TNNI3K: variants seen among roughly 807,000 people sequenced by gnomAD.
TNNI3K encodes the protein TNNI3 interacting kinase, also known as serine/threonine-protein kinase TNNI3K.
A neutral mutation model predicts 114.5 loss-of-function variants in TNNI3K; 140 were observed. The ratio of observed to expected loss-of-function variants is 1.22; its 90% CI spans 1.07 to 1.41. The LOEUF is 1.41. Among genes scored for constraint, TNNI3K ranks in the 40% most tolerant of loss-of-function variants. TNNI3K has a pLI of 0.00. For missense variants in TNNI3K, 1,125 were observed against 1,007.6 expected, an observed-to-expected ratio of 1.12 and a Z score of -1.58; for synonymous variants, 347 against 347.5, an observed-to-expected ratio of 1.00 and a Z score of 0.02.
intron 21 of TNNI3K, among the ~76,000 whole-genome samples, chr1:74,488,677 T>A (rs1668889168): frequency 6.6e-6 from 1 of 152,204 alleles, no homozygotes; most frequent in Admixed American, 6.5e-5. Context: ...TTAATGGCAC[T>A]GTCTGAAGGT....
intron 21 of TNNI3K, chr1:74,470,891 T>C: frequency 2.5e-6 from 1 of 400,744 alleles, no homozygotes; most frequent in Non-Finnish European, 4.4e-6. Flanking sequence ...TTTGATACAT[T>C]CTGTCCCATG....
intron 20 of TNNI3K, among the ~76,000 whole-genome samples, chr1:74,459,904 A>G (rs923696014): frequency 6.6e-6 from 1 of 152,198 alleles, no homozygotes; most frequent in Non-Finnish European, 1.5e-5. Flanking sequence ...TTTCAGGATA[A>G]TGAGAGTGCA....
chr1:74,481,606 C>T (rs1668508519), intron 21 of TNNI3K, among the ~76,000 whole-genome samples: 1 of 152,166 alleles, frequency 6.6e-6, no homozygotes, highest in East Asian at 1.9e-4. Flanking sequence ...TCTTGGCCTC[C>T]TGTCTAATAT....
chr1:74,437,548 G>A (rs1371043896), intron 19 of TNNI3K, among the ~76,000 whole-genome samples: 3 of 151,866 alleles, frequency 2.0e-5, no homozygotes, highest in Non-Finnish European at 1.5e-5. Flanking sequence ...AATCTACATG[G>A]GGGGAGAGCT....
chr1:74,464,830 G>A (rs1667600715), intron 21 of TNNI3K: 1 of 1,449,130 alleles, frequency 6.9e-7, no homozygotes, highest in Admixed American at 2.5e-5. Context: ...CTCCATGAAA[G>A]CGGTCCTTTT....
chr1:74,492,805 T>C (rs1669145907), intron 23 of TNNI3K, among the ~76,000 whole-genome samples: 1 of 152,194 alleles, frequency 6.6e-6, no homozygotes, highest in Admixed American at 6.5e-5. Flanking sequence ...TAAAACAGGT[T>C]GTCACAACAA....
chr1:74,486,507 C>CTTTTTGCTT (rs1557599715), intron 21 of TNNI3K, among the ~76,000 whole-genome samples: 3 of 137,098 alleles, frequency 2.2e-5, no homozygotes, highest in African/African-American at 8.1e-5. Context: ...TTGTTTTTTG[C>CTTTTTGCTT]TTTTTTTTTT....
At chr1:74,373,113 G>T (rs1237461776) in intron 17 of TNNI3K, 1 of 151,844 alleles carries the variant, frequency 6.6e-6, no homozygotes, top group Non-Finnish European at 1.5e-5. Flanking sequence ...AAAAGAGCCT[G>T]GGTCCTTTCC....
At chr1:74,375,440 A>T (rs1038102598) in intron 17 of TNNI3K, 2 of 388,960 alleles carry the variant, frequency 5.1e-6, no homozygotes, top group Admixed American at 5.3e-5. Context: ...ATTAGCCACA[A>T]GATTAGAAAT....
intron 5 of TNNI3K, among the ~76,000 whole-genome samples, chr1:74,295,997 C>T (rs553445783): frequency 1.3e-5 from 2 of 152,098 alleles, no homozygotes; most frequent in East Asian, 1.9e-4. Context: ...AAATTTGGGC[C>T]GGGCGCCATG....
intron 2 of TNNI3K, among the ~76,000 whole-genome samples, chr1:74,245,174 TG>T (rs1654477672): frequency 6.6e-6 from 1 of 152,136 alleles, no homozygotes. Context: ...GATAAGATAT[TG>T]GAAAAAAGAA....
Position 74,271,531 on chromosome 1 carries a change from T to A in TNNI3K, c.334-67T>A, listed in dbSNP as rs576598382. 2.1e-6 allele frequency: 3 copies of A among 1,439,496 alleles called. No individual in the cohort carries two copies. In the East Asian group the frequency reaches 7.3e-5, roughly 35 times the overall value. 89.2% of individuals were successfully genotyped at this position (1,439,496 alleles called of 1,614,324 possible). ...GGCTGATAGGCAGAAAATCAATACA[T>A]CCTGTTGCACAGCTTTTGAACCTGT... On this transcript the variant is annotated intron_variant, in intron 4 of 24. Transcript: ENST00000326637.
chr1:74,537,949 T>C (rs1319128857), intron 23 of TNNI3K, among the ~76,000 whole-genome samples: 1 of 152,214 alleles, frequency 6.6e-6, no homozygotes, highest in African/African-American at 2.4e-5. Flanking sequence ...AGTCTTGTTA[T>C]AATTCCCATT....
chr1:74,445,511 A>T (rs79714710), intron 20 of TNNI3K, among the ~76,000 whole-genome samples: 1 of 146,950 alleles, frequency 6.8e-6, no homozygotes, highest in South Asian at 2.2e-4. Context: ...GAGAATGATG[A>T]TTTCCAATTT....
chr1:74,267,710 T>C (rs1003078651), intron 4 of TNNI3K, among the ~76,000 whole-genome samples: 3 of 151,952 alleles, frequency 2.0e-5, no homozygotes, highest in Non-Finnish European at 4.4e-5. Flanking sequence ...ATTTTGGCAG[T>C]ATTCAGTTAA....
At chr1:74,450,468 C>T (rs1203954794) in intron 20 of TNNI3K, among the ~76,000 whole-genome samples, 1 of 151,448 alleles carries the variant, frequency 6.6e-6, no homozygotes, top group South Asian at 2.1e-4. Flanking sequence ...AGTGAGCAGA[C>T]AATCTACCAA....
intron 23 of TNNI3K, among the ~76,000 whole-genome samples, chr1:74,522,636 A>ATG (rs148341415): frequency 0.021 from 3,160 of 151,486 alleles, 111 homozygotes; most frequent in African/African-American, 0.071. Flanking sequence ...CCTAAGGTGT[A>ATG]TGTGTGTGTG....
At chr1:74,478,721 A>C (rs1474021433) in intron 21 of TNNI3K, among the ~76,000 whole-genome samples, 1 of 152,168 alleles carries the variant, frequency 6.6e-6, no homozygotes, top group African/African-American at 2.4e-5. Context: ...TTCTAAACCT[A>C]TGTGAACCCC....
Position 74,271,697 on chromosome 1 carries a change from G to T in TNNI3K, c.433G>T (p.Gly145Cys), listed in dbSNP as rs1238430838. 6.2e-7 allele frequency: 1 copy of T among 1,606,386 alleles called. No homozygotes were observed. Among genetic ancestry groups the T allele is most frequent in the South Asian group, 1.1e-5 (1 of 89,640 alleles). The change falls in exon 5 of 25, where the codon GGC (glycine) becomes TGC (cysteine). Residue 145 changes from glycine (G) to cysteine (C), a missense_variant. Coordinates refer to ENST00000326637, the MANE Select transcript of TNNI3K (RefSeq NM_015978.3). Reference protein sequence around the residue: ...LTALHIATIAGHLEAADVLLQ... With the variant: ...LTALHIATIACHLEAADVLLQ... ...TGCCCTCCATATTGCTACAATAGCTGGCCACCTAGAGGTAAGTCATGCCTT... is the reference window on the plus strand; with the variant it reads ...TGCCCTCCATATTGCTACAATAGCTTGCCACCTAGAGGTAAGTCATGCCTT...
Sources: allele counts gnomAD v4.1 joint callset (sites outside exome capture counted in the v4.1 genomes callset), GRCh38; gene constraint gnomAD v4.1.1; transcripts MANE v1.5; gene names NCBI Gene and HGNC (gene_info 2026-07-23, HGNC 2026-07-21).